CTXND1: variants seen among roughly 807,000 people sequenced by gnomAD.
CTXND1 encodes cortexin domain-containing 1 protein.
At chr15:80,224,057 C>T (rs1291272434) in intron 1 of CTXND1, among the ~76,000 whole-genome samples, 1 of 152,124 alleles carries the variant, frequency 6.6e-6, no homozygotes, top group Non-Finnish European at 1.5e-5. Flanking sequence ...ACTTTGGGAA[C>T]CTTGAGCCGC....
intron 1 of CTXND1, among the ~76,000 whole-genome samples, chr15:80,222,774 A>C (rs1893331670): frequency 1.3e-5 from 2 of 152,086 alleles, no homozygotes; most frequent in African/African-American, 4.8e-5. Flanking sequence ...CTTTTTTAAA[A>C]AATTATTTCT....
intron 1 of CTXND1, among the ~76,000 whole-genome samples, chr15:80,225,755 A>G (rs907177949): frequency 7.2e-5 from 11 of 152,142 alleles, no homozygotes; most frequent in Non-Finnish European, 1.0e-4. Flanking sequence ...AGTCTTACTG[A>G]GCATACCAAT....
At chr15:80,224,903 G>A (rs1893356569) in intron 1 of CTXND1, among the ~76,000 whole-genome samples, 1 of 152,098 alleles carries the variant, frequency 6.6e-6, no homozygotes, top group South Asian at 2.1e-4. Context: ...GCCACCATGT[G>A]GGGCAAATTT....
At chr15:80,238,738 G>A (rs151152528) in intron 1 of CTXND1, among the ~76,000 whole-genome samples, 1 of 152,122 alleles carries the variant, frequency 6.6e-6, no homozygotes, top group Non-Finnish European at 1.5e-5. Context: ...GCCTCCCAAA[G>A]TGCTGGGATT....
chr15:80,235,004 C>T (rs1185061006), intron 1 of CTXND1, among the ~76,000 whole-genome samples: 1 of 72 alleles, frequency 0.014, no homozygotes, highest in African/African-American at 0.083. Context: ...ATGACTCTGC[C>T]CCCCTGGTGG....
intron 1 of CTXND1, among the ~76,000 whole-genome samples, chr15:80,212,396 A>G (rs2142125749): frequency 6.6e-6 from 1 of 152,326 alleles, no homozygotes; most frequent in East Asian, 1.9e-4. Context: ...GAAAGCCACA[A>G]CAGGAAACAT....
chr15:80,249,358 AAGGGCACT>A (rs1436610495), intron 1 of CTXND1, among the ~76,000 whole-genome samples: 1 of 152,174 alleles, frequency 6.6e-6, no homozygotes, highest in Non-Finnish European at 1.5e-5. Context: ...CTAACGGGAC[AAGGGCACT>A]AGGAGTCAGA....
intron 1 of CTXND1, among the ~76,000 whole-genome samples, chr15:80,225,272 G>A (rs1194154424): frequency 6.6e-6 from 1 of 152,110 alleles, no homozygotes; most frequent in African/African-American, 2.4e-5. Flanking sequence ...GAAGCTTATA[G>A]GATATAATCT....
intron 1 of CTXND1, among the ~76,000 whole-genome samples, chr15:80,248,185 G>T: frequency 6.6e-6 from 1 of 152,134 alleles, no homozygotes; most frequent in East Asian, 1.9e-4. Context: ...CAACTCTAAA[G>T]TCTCATTGTC....
chr15:80,235,002 GC>G (rs5814010), intron 1 of CTXND1, among the ~76,000 whole-genome samples: 152,238 of 152,258 alleles, frequency 1, 76,109 homozygotes, highest in Middle Eastern at 1. Flanking sequence ...TTATGACTCT[GC>G]CCCCCTGGTG....
At chr15:80,224,158 C>T (rs1321831554) in intron 1 of CTXND1, among the ~76,000 whole-genome samples, 1 of 152,158 alleles carries the variant, frequency 6.6e-6, no homozygotes, top group East Asian at 1.9e-4. Flanking sequence ...GTTCCAGCCC[C>T]AGCTGTGTAA....
At chr15:80,241,168 T>A (rs67648097) in intron 1 of CTXND1, among the ~76,000 whole-genome samples, 31,758 of 151,996 alleles carry the variant, frequency 0.21, 4,462 homozygotes, top group East Asian at 0.59. Flanking sequence ...AGGTGGGAGC[T>A]GTGTGTGCAT....
intron 1 of CTXND1, among the ~76,000 whole-genome samples, chr15:80,246,458 A>G (rs1471520229): frequency 6.6e-6 from 1 of 152,230 alleles, no homozygotes; most frequent in Non-Finnish European, 1.5e-5. Context: ...ATAAGCCTGG[A>G]CAGGGAAGCT....
rs74861643 is a variant in CTXND1 at position 80,221,895 on chromosome 15, A to G, written c.-217-18155T>C. ...AAATATGTTTCTCAAAAATTATTAA[A>G]TAGCTAGAAAATTTTATTTGGGGTT... On this transcript the variant is annotated intron_variant, in intron 1 of 2. Transcript: ENST00000560778. Among the ~76,000 whole-genome samples, 3,906 of 152,296 alleles carry G rather than the reference A, an allele frequency of 0.026. 326 individuals carry two copies. The East Asian group carries it at 0.28, about 11-fold the overall frequency.
At chr15:80,243,366 C>T (rs1893591822) in intron 1 of CTXND1, among the ~76,000 whole-genome samples, 1 of 152,136 alleles carries the variant, frequency 6.6e-6, no homozygotes, top group African/African-American at 2.4e-5. Context: ...CTCCCTTTGC[C>T]AGTTGTCACC....
intron 1 of CTXND1, among the ~76,000 whole-genome samples, chr15:80,235,941 C>T (rs1024909032): frequency 6.7e-6 from 1 of 149,980 alleles, no homozygotes; most frequent in Admixed American, 6.7e-5. Context: ...AGAAGAGTGT[C>T]GGGTTCCTAG....
chr15:80,229,563 A>G (rs945272532), intron 1 of CTXND1, among the ~76,000 whole-genome samples: 3 of 152,180 alleles, frequency 2.0e-5, no homozygotes, highest in Non-Finnish European at 2.9e-5. Context: ...TGGCCACCAC[A>G]AGGGTTCATG....
At chr15:80,237,521 T>A (rs372183291) in intron 1 of CTXND1, among the ~76,000 whole-genome samples, 5 of 152,110 alleles carry the variant, frequency 3.3e-5, no homozygotes, top group East Asian at 1.9e-4. Flanking sequence ...GATATATTGA[T>A]GCTCTTGTAG....
intron 1 of CTXND1, among the ~76,000 whole-genome samples, chr15:80,230,941 C>T (rs76292430): frequency 0.014 from 2,159 of 152,084 alleles, 35 homozygotes; most frequent in African/African-American, 0.038. Flanking sequence ...ACCTGTAGTC[C>T]CTGCTACTCA....
Sources: gnomAD v4.1 joint callset for allele counts (sites outside exome capture counted in the v4.1 genomes callset) on GRCh38, gnomAD v4.1.1 for gene constraint, MANE v1.5 for transcripts, NCBI Gene and HGNC (gene_info 2026-07-23, HGNC 2026-07-21) for gene names.